CTNNA3: variants seen among roughly 807,000 people sequenced by gnomAD.
The protein encoded by CTNNA3 is catenin alpha 3, also known as catenin alpha-3.
A neutral mutation model predicts 95.7 loss-of-function variants in CTNNA3; 76 were observed. The ratio of observed to expected loss-of-function variants is 0.79; its 90% CI spans 0.66 to 0.96. The LOEUF (loss-of-function observed/expected upper bound fraction) is 0.96. Ranked by LOEUF, CTNNA3 falls within the 40% of genes least tolerant of loss-of-function variation. CTNNA3 has a pLI of 0.00. For missense variants in CTNNA3, 1,191 were observed against 1,089.8 expected, an observed-to-expected ratio of 1.09 and a Z score of -1.31; for synonymous variants, 431 against 374.4, an observed-to-expected ratio of 1.15 and a Z score of -1.74.
rs536161150 is a variant in CTNNA3 at position 67,615,190 on chromosome 10, TTTTG to T, written c.100-8145_100-8142del. Among the ~76,000 whole-genome samples, 29 of 152,282 alleles carry T rather than the reference TTTTG, an allele frequency of 1.9e-4. 1 individual carries two copies. The highest frequency in any genetic ancestry group is 1.1e-3 in the Admixed American group (17 of 15,300). On this transcript the variant is annotated intron_variant, in intron 2 of 17. Transcript: ENST00000433211. ...ACCTTTTTAAAAATATAATTTAGGG[TTTTG>T]TTTGTTTGTTAGATAAACAACCACT...
chr10:66,499,807 T>G (rs1840217732), intron 11 of CTNNA3, among the ~76,000 whole-genome samples: 1 of 33,400 alleles, frequency 3.0e-5, no homozygotes. Context: ...TTGCATTTCC[T>G]TTTTTTTTTT....
At chr10:66,994,290 G>T (rs550664280) in intron 7 of CTNNA3, among the ~76,000 whole-genome samples, 2 of 152,292 alleles carry the variant, frequency 1.3e-5, no homozygotes, top group Non-Finnish European at 2.9e-5. Context: ...GACATTTAAC[G>T]TAGTTAAAAA....
intron 11 of CTNNA3, among the ~76,000 whole-genome samples, chr10:66,511,941 C>T (rs1194023781): frequency 6.6e-6 from 1 of 151,810 alleles, no homozygotes; most frequent in Non-Finnish European, 1.5e-5. Context: ...ATTAGCTGTG[C>T]AATGCTGAGG....
chr10:67,171,295 CCAGGCGCAGTGGCT>C (rs1325601172), intron 7 of CTNNA3, among the ~76,000 whole-genome samples: 4 of 152,126 alleles, frequency 2.6e-5, no homozygotes, highest in African/African-American at 9.7e-5. Flanking sequence ...TACTTCTAGG[CCAGGCGCAGTGGCT>C]CACGCCCATA....
chr10:66,631,344 C>T (rs4746606), intron 9 of CTNNA3, among the ~76,000 whole-genome samples: 56,591 of 151,896 alleles, frequency 0.37, 10,727 homozygotes, highest in Middle Eastern at 0.51. Flanking sequence ...TATCAGGCAA[C>T]GTTCCTATTA....
Position 66,260,863 on chromosome 10 carries a change from T to C in CTNNA3, c.1884+19607A>G, listed in dbSNP as rs541140701. 7.9e-5 allele frequency among the ~76,000 whole-genome samples: 12 copies of C among 152,186 alleles called. No homozygotes were observed. The South Asian group carries it at 2.5e-3, about 32-fold the overall frequency. ...ATATTCAGAAACTCTAGATCTGACA[T>C]AGAGATCATTTCACCTTCCTGATTA... is the stretch of plus-strand genomic sequence containing the variant. On this transcript the variant is annotated intron_variant, in intron 13 of 17. Transcript: ENST00000433211.
intron 6 of CTNNA3, among the ~76,000 whole-genome samples, chr10:67,200,280 G>C (rs1293935213): frequency 1.3e-5 from 2 of 152,082 alleles, no homozygotes; most frequent in Non-Finnish European, 2.9e-5. Flanking sequence ...AAAGTATGTA[G>C]AAACTTCAAA....
At chr10:66,044,524 T>C (rs2079783166) in intron 15 of CTNNA3, among the ~76,000 whole-genome samples, 1 of 152,198 alleles carries the variant, frequency 6.6e-6, no homozygotes, top group South Asian at 2.1e-4. Flanking sequence ...CTTTGCCTTT[T>C]GGCTCTCTTC....
chr10:65,954,293 G>A (rs2077685664), intron 17 of CTNNA3, among the ~76,000 whole-genome samples: 1 of 152,140 alleles, frequency 6.6e-6, no homozygotes, highest in Non-Finnish European at 1.5e-5. Flanking sequence ...TTAGACCTTT[G>A]TCAGATGGGT....
In CTNNA3 at chr10:66,230,276, T is replaced by A. The variant is rs549192882; in HGVS notation, c.1884+50194A>T. 2.6e-5 allele frequency among the ~76,000 whole-genome samples: 4 copies of A among 152,336 alleles called. No homozygotes were observed. In the South Asian group the frequency reaches 6.2e-4, roughly 24 times the overall value. ...TTTCTTTGCTCTTTCATGTTTTTCC[T>A]GTTCTTAAATTGATATTTAAGATCT... On this transcript the variant is annotated intron_variant, in intron 13 of 17. Coordinates refer to ENST00000433211, the MANE Select transcript of CTNNA3 (RefSeq NM_013266.4).
intron 11 of CTNNA3, among the ~76,000 whole-genome samples, chr10:66,495,016 G>A (rs1216071939): frequency 6.6e-6 from 1 of 152,166 alleles, no homozygotes; most frequent in Non-Finnish European, 1.5e-5. Context: ...AAAATGCAGA[G>A]GGGAATGGGT....
intron 4 of CTNNA3, among the ~76,000 whole-genome samples, chr10:67,535,185 AG>A (rs147721040): frequency 0.016 from 2,506 of 152,264 alleles, 74 homozygotes; most frequent in African/African-American, 0.055. Context: ...AATGAAATAA[AG>A]AAGCATGGTT....
chr10:67,092,964 T>C (rs1487675149), intron 7 of CTNNA3, among the ~76,000 whole-genome samples: 4 of 151,992 alleles, frequency 2.6e-5, no homozygotes, highest in East Asian at 3.9e-4. Context: ...AGAGTATACA[T>C]GATAATGCTT....
At chr10:67,543,427 A>C (rs902823326) in intron 3 of CTNNA3, among the ~76,000 whole-genome samples, 1 of 152,196 alleles carries the variant, frequency 6.6e-6, no homozygotes. Context: ...AAAGCTTCCT[A>C]TATGGTTATT....
chr10:65,989,844 C>T (rs1483303239), intron 15 of CTNNA3, among the ~76,000 whole-genome samples: 3 of 152,022 alleles, frequency 2.0e-5, no homozygotes, highest in African/African-American at 7.2e-5. Context: ...CTCCCATTAA[C>T]CAACCTCTCT....
intron 10 of CTNNA3, among the ~76,000 whole-genome samples, chr10:66,561,049 C>T (rs999281588): frequency 1.3e-5 from 2 of 151,754 alleles, no homozygotes; most frequent in Admixed American, 6.6e-5. Flanking sequence ...GTTACAACAG[C>T]CCAAACTAAG....
chr10:67,145,490 G>A (rs1387336931), intron 7 of CTNNA3, among the ~76,000 whole-genome samples: 4 of 151,084 alleles, frequency 2.6e-5, no homozygotes, highest in Non-Finnish European at 5.9e-5. Context: ...AAGTGCAGTG[G>A]CGCAATCTCG....
intron 7 of CTNNA3, among the ~76,000 whole-genome samples, chr10:67,111,891 C>T (rs1039257049): frequency 6.6e-6 from 1 of 151,890 alleles, no homozygotes; most frequent in Non-Finnish European, 1.5e-5. Flanking sequence ...AGCATTTAAG[C>T]TATTTCATTA....
At chr10:66,160,441 A>G (rs1222275171) in intron 13 of CTNNA3, among the ~76,000 whole-genome samples, 7 of 152,006 alleles carry the variant, frequency 4.6e-5, no homozygotes, top group South Asian at 2.1e-4. Flanking sequence ...TTTTGACCCA[A>G]TGCTGATTCA....
Sources: gnomAD v4.1 joint callset for allele counts (sites outside exome capture counted in the v4.1 genomes callset) on GRCh38, gnomAD v4.1.1 for gene constraint, MANE v1.5 for transcripts, NCBI Gene and HGNC (gene_info 2026-07-23, HGNC 2026-07-21) for gene names.